The following AFF2 variants were observed in gnomAD, a reference collection of about 807,000 sequenced individuals.
AFF2 encodes the protein AF4/FMR2 family member 2.
AFF2 carries 14 observed loss-of-function variants against 76.9 expected under a neutral mutation model. The observed-to-expected ratio is 0.18, with a 90% confidence interval of 0.12 to 0.28. The LOEUF (loss-of-function observed/expected upper bound fraction) is 0.28, where lower values mean the gene tolerates loss of function less well. Among genes scored for constraint, AFF2 ranks in the 10% least tolerant of loss-of-function variants. The pLI is 1.00. For missense variants in AFF2, 868 were observed against 1,001.1 expected (o/e 0.87, Z 1.79); for synonymous variants, 398 against 366.7 (o/e 1.09, Z -0.98).
intron 8 of AFF2, among the ~76,000 whole-genome samples, chrX:148,887,925 T>C (rs781917943): frequency 2.7e-5 from 3 of 112,796 alleles, no homozygotes; most frequent in African/African-American, 9.6e-5. Context: ...AGAATGCTTG[T>C]GCAGTAGTGG....
intron 7 of AFF2, among the ~76,000 whole-genome samples, chrX:148,860,861 A>G (rs2070840092): frequency 1.8e-5 from 2 of 111,975 alleles, no homozygotes; most frequent in Admixed American, 1.9e-4. Context: ...CAGCTTGAGT[A>G]AACACATTTT....
chrX:148,779,574 A>AT (rs57505798), intron 3 of AFF2, among the ~76,000 whole-genome samples: 1,448 of 109,430 alleles, frequency 0.013, 21 homozygotes, highest in African/African-American at 0.046. Context: ...TTCTTGTTGC[A>AT]TTTTTTTTGC....
chrX:148,694,667 C>T (rs1397745727), intron 3 of AFF2, among the ~76,000 whole-genome samples: 1 of 111,689 alleles, frequency 9.0e-6, no homozygotes, highest in Non-Finnish European at 1.9e-5. Context: ...TGTGTTCATC[C>T]TGCTAATGTC....
chrX:148,700,016 C>T (rs1234300658), intron 3 of AFF2, among the ~76,000 whole-genome samples: 1 of 111,517 alleles, frequency 9.0e-6, no homozygotes, highest in East Asian at 2.8e-4. Flanking sequence ...ATTTCAGGCA[C>T]TGTTCATCCT....
intron 1 of AFF2, among the ~76,000 whole-genome samples, chrX:148,566,596 T>A (rs782754420): frequency 9.0e-6 from 1 of 110,882 alleles, no homozygotes; most frequent in African/African-American, 3.3e-5. Context: ...CTTTATGGTG[T>A]GGTCCTTTTG....
chrX:148,532,356 G>C (rs1192634303), intron 1 of AFF2, among the ~76,000 whole-genome samples: 1 of 111,786 alleles, frequency 8.9e-6, no homozygotes, highest in African/African-American at 3.3e-5. Flanking sequence ...AAAACAAATT[G>C]TTTTATTGTT....
intron 9 of AFF2, among the ~76,000 whole-genome samples, chrX:148,934,799 TATCACC>T (rs72298522): frequency 0.12 from 12,875 of 111,004 alleles, 1,192 homozygotes; most frequent in African/African-American, 0.31. Flanking sequence ...TAAAAGTAGC[TATCACC>T]ATCACCATCA....
intron 1 of AFF2, among the ~76,000 whole-genome samples, chrX:148,597,365 C>A (rs2053583999): frequency 9.0e-6 from 1 of 110,778 alleles, no homozygotes; most frequent in South Asian, 3.8e-4. Context: ...AGCACAGGAG[C>A]CCTTAATCGC....
chrX:148,904,767 A>C (rs2071390349), intron 9 of AFF2, among the ~76,000 whole-genome samples: 1 of 112,263 alleles, frequency 8.9e-6, no homozygotes, highest in African/African-American at 3.2e-5. Context: ...TTTAGCTAAC[A>C]GAAAGCAATT....
At chrX:148,913,971 G>T (rs1339057278) in intron 9 of AFF2, among the ~76,000 whole-genome samples, 2 of 112,441 alleles carry the variant, frequency 1.8e-5, no homozygotes, top group Non-Finnish European at 3.8e-5. Flanking sequence ...CCTACTATGT[G>T]CCAGACACAG....
At chrX:148,829,846 A>G (rs1386712699) in intron 4 of AFF2, among the ~76,000 whole-genome samples, 1 of 111,841 alleles carries the variant, frequency 8.9e-6, no homozygotes, top group Non-Finnish European at 1.9e-5. Context: ...GAAATTCTTT[A>G]GTAGTTTGAG....
chrX:148,935,067 T>TC (rs1339832980), intron 9 of AFF2, among the ~76,000 whole-genome samples: 1 of 109,768 alleles, frequency 9.1e-6, no homozygotes, highest in Non-Finnish European at 1.9e-5. Context: ...ATTTTTTTTT[T>TC]CTAGCCATTT....
intron 9 of AFF2, among the ~76,000 whole-genome samples, chrX:148,935,003 G>C (rs1557284855): frequency 1.8e-5 from 2 of 109,524 alleles, no homozygotes. Context: ...GGTTGAAATA[G>C]AGCATAATTT....
At chrX:148,730,389 C>T (rs1603289536) in intron 3 of AFF2, among the ~76,000 whole-genome samples, 1 of 111,731 alleles carries the variant, frequency 9.0e-6, no homozygotes, top group African/African-American at 3.3e-5. Context: ...TAGCAGTGTC[C>T]TTTATTGATG....
intron 1 of AFF2, among the ~76,000 whole-genome samples, chrX:148,581,459 C>T (rs1476405691): frequency 2.3e-5 from 2 of 88,759 alleles, no homozygotes; most frequent in African/African-American, 8.6e-5. Flanking sequence ...TATACGTCTA[C>T]GTGTACACAC....
intron 3 of AFF2, among the ~76,000 whole-genome samples, chrX:148,751,009 A>G (rs2055492416): frequency 8.9e-6 from 1 of 112,313 alleles, no homozygotes; most frequent in Non-Finnish European, 1.9e-5. Context: ...TCTTTTGATA[A>G]CAAGCATTTA....
Position 148,903,870 on chromosome X carries a change from C to G in AFF2, c.1360-351C>G, listed in dbSNP as rs149175906. Among the ~76,000 whole-genome samples, 33 of 111,207 alleles carry G rather than the reference C, an allele frequency of 3.0e-4. No individual in the cohort carries two copies. In the East Asian group the frequency reaches 6.3e-3, roughly 21 times the overall value. On this transcript the variant is annotated intron_variant, in intron 8 of 20. Coordinates refer to ENST00000370460, the MANE Select transcript of AFF2 (RefSeq NM_002025.4). ...GTTTCCCTAACCTGTCGTTACAACC[C>G]AAGCAGGTCCAAACACGGTAAGATT...
At chrX:148,700,419 A>AGTGTGT (rs368077947) in intron 3 of AFF2, among the ~76,000 whole-genome samples, 6,356 of 82,367 alleles carry the variant, frequency 0.077, 274 homozygotes, top group Admixed American at 0.15. Flanking sequence ...GTACTGTTGA[A>AGTGTGT]GTGTGTGTGT....
intron 19 of AFF2, among the ~76,000 whole-genome samples, chrX:148,986,108 G>C (rs1389648518): frequency 4.1e-5 from 3 of 72,731 alleles, no homozygotes; most frequent in Non-Finnish European, 7.2e-5. Context: ...TGGTAAGGGG[G>C]TGGGGGGTGG....
Sources: allele counts gnomAD v4.1 joint callset (sites outside exome capture counted in the v4.1 genomes callset), GRCh38; gene constraint gnomAD v4.1.1; transcripts MANE v1.5; gene names NCBI Gene and HGNC (gene_info 2026-07-23, HGNC 2026-07-21).